Variants in EYS observed in about 807,000 individuals in gnomAD.
EYS encodes the protein EGF-like photoreceptor maintenance factor, also known as protein eyes shut homolog.
A neutral mutation model predicts 282.1 loss-of-function variants in EYS; 250 were observed. The ratio of observed to expected loss-of-function variants is 0.89; its 90% CI spans 0.80 to 0.98. The LOEUF (loss-of-function observed/expected upper bound fraction) is 0.98. Among genes scored for constraint, EYS ranks in the 50% least tolerant of loss-of-function variants. The pLI is 0.00. For synonymous variants in EYS, 1,355 were observed against 1,282.9 expected, an observed-to-expected ratio of 1.06 and a Z score of -1.20; for missense variants, 4,016 against 3,709.0, an observed-to-expected ratio of 1.08 and a Z score of -2.15.
chr6:64,663,202 C>T (rs1321266521), intron 22 of EYS, among the ~76,000 whole-genome samples: 1 of 152,024 alleles, frequency 6.6e-6, no homozygotes, highest in Non-Finnish European at 1.5e-5. Flanking sequence ...CCACTGACAA[C>T]AATAATTATG....
At chr6:65,550,143 C>CTTTCTTTTTTTTTTTT (rs1562254227) in intron 2 of EYS, among the ~76,000 whole-genome samples, 6 of 5,950 alleles carry the variant, frequency 1.0e-3, no homozygotes, top group Admixed American at 2.9e-3. Context: ...TCTACTATAT[C>CTTTCTTTTTTTTTTTT]TTTTTTTTTT....
In EYS at chr6:63,941,403, A is replaced by G. The variant is rs1001462837; in HGVS notation, c.7055+42980T>C. On this transcript the variant is annotated intron_variant, in intron 35 of 42. Transcript: ENST00000503581. ...AATTGGTGTGAGATGGTATCTCATT[A>G]TGGTTTTGATTTGCATTTCTCTGAT... Among the ~76,000 whole-genome samples the G allele has an allele frequency of 4.6e-5, 7 of 152,174 alleles. No homozygotes were observed. In the East Asian group the frequency reaches 5.8e-4, roughly 13 times the overall value.
At chr6:64,169,028 A>T (rs1482196040) in intron 31 of EYS, among the ~76,000 whole-genome samples, 1 of 152,184 alleles carries the variant, frequency 6.6e-6, no homozygotes, top group Non-Finnish European at 1.5e-5. Flanking sequence ...TTTTTCAAAA[A>T]GTTTGCAAAG....
chr6:64,839,337 T>G (rs1477646977), intron 19 of EYS, among the ~76,000 whole-genome samples: 1 of 152,038 alleles, frequency 6.6e-6, no homozygotes, highest in African/African-American at 2.4e-5. Flanking sequence ...TTATTAAAAA[T>G]TTACTATAAC....
At chr6:65,533,290 T>C (rs1241913639) in intron 2 of EYS, among the ~76,000 whole-genome samples, 4 of 151,984 alleles carry the variant, frequency 2.6e-5, no homozygotes, top group Non-Finnish European at 5.9e-5. Flanking sequence ...CAGGAAGAAG[T>C]TGAATCTCTG....
chr6:63,993,125 C>T (rs1240219998), intron 34 of EYS, among the ~76,000 whole-genome samples: 1 of 151,586 alleles, frequency 6.6e-6, no homozygotes, highest in Non-Finnish European at 1.5e-5. Flanking sequence ...TGTCATTTTA[C>T]AAAATTTGAA....
At chr6:64,936,830 T>TA (rs1768922180) in intron 15 of EYS, among the ~76,000 whole-genome samples, 1 of 151,394 alleles carries the variant, frequency 6.6e-6, no homozygotes, top group Non-Finnish European at 1.5e-5. Context: ...AACAAGCTGA[T>TA]ACTAAAATTC....
intron 24 of EYS, among the ~76,000 whole-genome samples, chr6:64,594,347 T>C (rs903253562): frequency 6.6e-5 from 10 of 152,154 alleles, no homozygotes; most frequent in Admixed American, 2.6e-4. Flanking sequence ...AACATACGTG[T>C]GCATGTGTCT....
intron 1 of EYS, among the ~76,000 whole-genome samples, chr6:65,654,436 T>C: frequency 6.6e-6 from 1 of 151,846 alleles, no homozygotes; most frequent in East Asian, 1.9e-4. Flanking sequence ...TTCCAAATGG[T>C]TAATAAATGG....
chr6:65,435,644 A>T (rs1266362202), intron 5 of EYS, among the ~76,000 whole-genome samples: 1 of 152,080 alleles, frequency 6.6e-6, no homozygotes, highest in Non-Finnish European at 1.5e-5. Context: ...TAAATGAAAA[A>T]AACCTTAATA....
At chr6:64,895,457 G>A (rs1049855569) in intron 18 of EYS, among the ~76,000 whole-genome samples, 1 of 152,094 alleles carries the variant, frequency 6.6e-6, no homozygotes, top group Non-Finnish European at 1.5e-5. Flanking sequence ...TTGTTTGAAT[G>A]TATATTTATA....
At chr6:63,826,573 A>C (rs1284945776) in intron 36 of EYS, among the ~76,000 whole-genome samples, 1 of 152,228 alleles carries the variant, frequency 6.6e-6, no homozygotes, top group African/African-American at 2.4e-5. Flanking sequence ...GCTAGAAGGG[A>C]TTGGGGACCC....
chr6:65,391,701 C>T (rs1766040629), intron 7 of EYS, among the ~76,000 whole-genome samples: 1 of 152,138 alleles, frequency 6.6e-6, no homozygotes, highest in Non-Finnish European at 1.5e-5. Flanking sequence ...ATATTCCATG[C>T]TCATGGGTAG....
intron 5 of EYS, among the ~76,000 whole-genome samples, chr6:65,475,499 G>T (rs985390304): frequency 7.2e-5 from 11 of 152,000 alleles, no homozygotes; most frequent in African/African-American, 2.4e-4. Flanking sequence ...TGTGGTCAAG[G>T]ATATTTATTT....
In EYS at chr6:64,450,254, A is replaced by T. The variant is rs138941817; in HGVS notation, c.5645-10902T>A. 8.6e-3 allele frequency among the ~76,000 whole-genome samples: 1,305 copies of T among 152,238 alleles called. 24 individuals are homozygous for T. The highest frequency in any genetic ancestry group is 0.029 in the African/African-American group (1,196 of 41,510). On this transcript the variant is annotated intron_variant, in intron 26 of 42. Transcript: ENST00000503581. Reference sequence around the variant, plus strand: ...TTTAAACCAACAAAGATCAAAAGAGACAAAGAAGGCCATTACATAATGGTA... The same window carrying T: ...TTTAAACCAACAAAGATCAAAAGAGTCAAAGAAGGCCATTACATAATGGTA...
intron 36 of EYS, among the ~76,000 whole-genome samples, chr6:63,855,667 T>A (rs1772372470): frequency 6.6e-6 from 1 of 152,194 alleles, no homozygotes; most frequent in South Asian, 2.1e-4. Context: ...TCTACCTTCA[T>A]GAAACTTAGA....
chr6:65,329,741 A>T, intron 11 of EYS: 1 of 971,336 alleles, frequency 1.0e-6, no homozygotes, highest in Non-Finnish European at 1.2e-6. Context: ...ATAAATAATT[A>T]TTAGACTTTT....
At chr6:64,295,497 A>AAGAAGAAGAAGAAGAAG (rs1554140736) in intron 30 of EYS, among the ~76,000 whole-genome samples, 1 of 36,766 alleles carries the variant, frequency 2.7e-5, no homozygotes, top group African/African-American at 2.8e-4. Context: ...GAAGAAGAAG[A>AAGAAGAAGAAGAAGAAG]AAGAAGAAAG....
intron 2 of EYS, among the ~76,000 whole-genome samples, chr6:65,509,149 C>T (rs771812633): frequency 2.0e-5 from 3 of 152,134 alleles, no homozygotes; most frequent in Non-Finnish European, 2.9e-5. Flanking sequence ...ATCTTCCTTT[C>T]GTTGATTGGA....
Sources: allele counts gnomAD v4.1 joint callset (sites outside exome capture counted in the v4.1 genomes callset), GRCh38; gene constraint gnomAD v4.1.1; transcripts MANE v1.5; gene names NCBI Gene and HGNC (gene_info 2026-07-23, HGNC 2026-07-21).